DNAH9: variants seen among roughly 807,000 people sequenced by gnomAD.
The protein encoded by DNAH9 is DNAH9 variant protein.
A neutral mutation model predicts 471.6 loss-of-function variants in DNAH9; 345 were observed. The observed-to-expected ratio is 0.73, with a 90% CI of 0.67 to 0.80. The LOEUF (loss-of-function observed/expected upper bound fraction) is 0.80. Among genes scored for constraint, DNAH9 ranks in the 30% least tolerant of loss-of-function variants. The pLI is 0.00. For missense variants in DNAH9, 5,407 were observed against 5,609.2 expected, an observed-to-expected ratio of 0.96 and a Z score of 1.15; for synonymous variants, 2,093 against 2,123.6, an observed-to-expected ratio of 0.99 and a Z score of 0.40.
chr17:11,888,107 C>T (rs570491360), intron 57 of DNAH9, among the ~76,000 whole-genome samples: 7 of 151,874 alleles, frequency 4.6e-5, no homozygotes, highest in Admixed American at 2.0e-4. Context: ...CTCAGCCTCC[C>T]GAGTAGCTGG....
intron 34 of DNAH9, 90 bp from the exon 35 acceptor site, chr17:11,757,455 A>G (rs1597600774): frequency 1.6e-6 from 2 of 1,243,864 alleles, no homozygotes; most frequent in Non-Finnish European, 2.3e-6. Context: ...TCTTCTGTAC[A>G]TTTTCCAAAC....
intron 28 of DNAH9, among the ~76,000 whole-genome samples, chr17:11,730,222 C>G (rs2075235092): frequency 6.6e-6 from 1 of 152,168 alleles, no homozygotes; most frequent in South Asian, 2.1e-4. Flanking sequence ...ACCAGCTTGG[C>G]TTGAAAGAGC....
intron 51 of DNAH9, among the ~76,000 whole-genome samples, chr17:11,869,750 G>C (rs57094970): frequency 0.011 from 1,621 of 152,276 alleles, 37 homozygotes; most frequent in African/African-American, 0.037. Context: ...AAGTCTGCAG[G>C]TCAGGGCAGC....
At position 11,823,018 on chromosome 17, in the gene DNAH9, A is replaced by G. The variant is rs1185995491; in HGVS notation, c.9230A>G (p.His3077Arg). 3 of 1,613,430 alleles carry G rather than the reference A, an allele frequency of 1.9e-6. No homozygotes were observed. Among genetic ancestry groups the G allele is most frequent in the African/African-American group, 1.3e-5 (1 of 74,938 alleles). The change falls in exon 48 of 69, where the codon CAT (histidine) becomes CGT (arginine). Residue 3077 changes from histidine (H) to arginine (R), a missense_variant. Around this residue, in one of 3 missense-constraint regions of DNAH9, gnomAD observed 4,636 missense variants for 4,900.3 expected, o/e 0.95. Coordinates refer to ENST00000262442, the MANE Select transcript of DNAH9 (RefSeq NM_001372.4). ...TTGGAGAACGGGCTGCTGAAGCTGC[A>G]TAGCACCTCTGCCCAGGTGAGCAAT... ...ERLENGLLKL[H>R]STSAQVDDLK...
At chr17:11,696,035 C>T (rs551254479) in intron 22 of DNAH9, among the ~76,000 whole-genome samples, 89 of 152,288 alleles carry the variant, frequency 5.8e-4, no homozygotes, top group African/African-American at 2.0e-3. Context: ...TGTATATACT[C>T]AGAGATGTAT....
intron 59 of DNAH9, among the ~76,000 whole-genome samples, chr17:11,897,775 A>G (rs892681036): frequency 2.6e-5 from 4 of 152,330 alleles, no homozygotes; most frequent in East Asian, 3.9e-4. Context: ...TGTGTAAGAC[A>G]CGGAGTAAAT....
rs527396373 is a variant in DNAH9, at chr17:11,933,738, A to T, written c.12298-142A>T. 6.4e-5 allele frequency: 47 copies of T among 733,536 alleles called. No individual in the cohort carries two copies. In the East Asian group the frequency reaches 1.3e-3, roughly 20 times the overall value. 45.4% of individuals were successfully genotyped at this position (733,536 alleles called of 1,614,324 possible). On this transcript the variant is annotated intron_variant, in intron 64 of 68. Coordinates refer to ENST00000262442, the MANE Select transcript of DNAH9 (RefSeq NM_001372.4). The stretch of plus-strand genomic sequence containing the variant: ...CCTAACCCTGCTGGGCACTGAGGGT[A>T]TGGAGAAAAATAAGACATTGCTCTC...
chr17:11,837,726 C>G (rs1048453530), intron 49 of DNAH9, among the ~76,000 whole-genome samples: 1 of 152,210 alleles, frequency 6.6e-6, no homozygotes, highest in Non-Finnish European at 1.5e-5. Context: ...CAGAATAAAA[C>G]CCGAAGATGT....
chr17:11,697,951 G>A (rs2074504620), intron 22 of DNAH9, among the ~76,000 whole-genome samples: 1 of 150,244 alleles, frequency 6.7e-6, no homozygotes, highest in African/African-American at 2.4e-5. Flanking sequence ...CAAGGTGATG[G>A]TTCACAAATT....
intron 45 of DNAH9, among the ~76,000 whole-genome samples, chr17:11,816,680 G>C (rs554070710): frequency 6.6e-6 from 1 of 152,148 alleles, no homozygotes; most frequent in African/African-American, 2.4e-5. Flanking sequence ...ACTAAACCAC[G>C]TTAAATTATC....
chr17:11,763,529 C>T lies in DNAH9; in HGVS notation c.7085C>T (p.Pro2362Leu), dbSNP rs767117314. 4 of 1,614,050 alleles carry T rather than the reference C, an allele frequency of 2.5e-6. No homozygotes were observed. The Admixed American group carries it at 6.7e-5, about 27-fold the overall frequency. Residue 2362 changes from proline to leucine, a missense_variant, in exon 36 of 69, where the codon CCT becomes CTT. Around this residue, in one of 3 missense-constraint regions of DNAH9, gnomAD observed 4,636 missense variants for 4,900.3 expected, o/e 0.95. Coordinates refer to ENST00000262442, the MANE Select transcript of DNAH9 (RefSeq NM_001372.4). Reference sequence around the variant, plus strand: ...TGTCTCCTGACCACGGAGGACATCCCTGCAGACTGCCCTAAGGAAATTTAT... The same window carrying T: ...TGTCTCCTGACCACGGAGGACATCCTTGCAGACTGCCCTAAGGAAATTTAT... ...LECLLTTEDI[P>L]ADCPKEIYEH...
intron 38 of DNAH9, among the ~76,000 whole-genome samples, chr17:11,778,402 C>T (rs1222043433): frequency 7.1e-6 from 1 of 139,972 alleles, no homozygotes; most frequent in Non-Finnish European, 1.5e-5. Flanking sequence ...GTGCCTGGAG[C>T]AGAGCTTGAG....
chr17:11,627,822 G>A (rs1206832302), intron 6 of DNAH9, among the ~76,000 whole-genome samples: 1 of 152,080 alleles, frequency 6.6e-6, no homozygotes, highest in African/African-American at 2.4e-5. Flanking sequence ...ATCTGCGTGG[G>A]TACCCTCCTT....
intron 57 of DNAH9, among the ~76,000 whole-genome samples, chr17:11,888,231 G>T (rs778894464): frequency 6.6e-6 from 1 of 151,996 alleles, no homozygotes; most frequent in African/African-American, 2.4e-5. Flanking sequence ...TGATCCGCCC[G>T]CCTCGGCCTC....
chr17:11,836,230 C>T (rs1318484464), intron 49 of DNAH9, among the ~76,000 whole-genome samples: 1 of 152,156 alleles, frequency 6.6e-6, no homozygotes, highest in East Asian at 1.9e-4. Flanking sequence ...AGCTAATCTT[C>T]TGAAACCTTC....
intron 20 of DNAH9, among the ~76,000 whole-genome samples, chr17:11,692,995 T>G (rs982219290): frequency 5.3e-5 from 8 of 151,410 alleles, no homozygotes; most frequent in Non-Finnish European, 1.2e-4. Context: ...AACCTCCGCC[T>G]CCCGGTTTCG....
intron 3 of DNAH9, among the ~76,000 whole-genome samples, chr17:11,610,993 C>T (rs995553641): frequency 6.6e-6 from 1 of 152,122 alleles, no homozygotes; most frequent in Non-Finnish European, 1.5e-5. Context: ...GCTCATCACT[C>T]GCAGGGCTGG....
At chr17:11,692,979 C>T (rs2074359311) in intron 20 of DNAH9, among the ~76,000 whole-genome samples, 1 of 151,766 alleles carries the variant, frequency 6.6e-6, no homozygotes, top group Non-Finnish European at 1.5e-5. Context: ...GGTCTCGGCT[C>T]AATACAACCT....
intron 58 of DNAH9, among the ~76,000 whole-genome samples, chr17:11,893,292 C>G (rs950339795): frequency 3.3e-5 from 5 of 151,950 alleles, no homozygotes; most frequent in Admixed American, 6.6e-5. Flanking sequence ...TATCAAGCCT[C>G]TGCTTTTTCC....
Sources: allele counts gnomAD v4.1 joint callset (sites outside exome capture counted in the v4.1 genomes callset), GRCh38; gene constraint gnomAD v4.1.1; regional missense constraint gnomAD v4.1.1; transcripts MANE v1.5; gene names NCBI Gene and HGNC (gene_info 2026-07-23, HGNC 2026-07-21).